The following CDCA5 variants were observed in gnomAD, a reference collection of about 807,000 sequenced individuals.
CDCA5 encodes the protein sororin.
CDCA5 carries 14 observed loss-of-function variants against 25.7 expected under a neutral mutation model. That is an observed-to-expected ratio of 0.54 (90% CI 0.36 to 0.85). The LOEUF (loss-of-function observed/expected upper bound fraction) is 0.85. Among genes scored for constraint, CDCA5 ranks in the 40% least tolerant of loss-of-function variants. CDCA5 has a pLI of 0.01. For missense variants in CDCA5, 307 were observed against 324.5 expected, an observed-to-expected ratio of 0.95 and a Z score of 0.41; for synonymous variants, 127 against 128.7, an observed-to-expected ratio of 0.99 and a Z score of 0.09.
chr11:65,083,797 A>G (rs531607799), intron 1 of CDCA5, 74 bp from the exon 2 acceptor site: 2 of 1,576,216 alleles, frequency 1.3e-6, no homozygotes, highest in South Asian at 2.2e-5. Flanking sequence ...TTCTAGAGAC[A>G]GCGAGAAGAT....
chr11:65,067,866 G>A, intron 3 of CDCA5: 1 of 831,480 alleles, frequency 1.2e-6, no homozygotes, highest in Non-Finnish European at 1.7e-6. Context: ...GCCTCTCTGG[G>A]CCTCCTCTCT....
chr11:65,082,170 C>G (rs1332771958), intron 4 of CDCA5, among the ~76,000 whole-genome samples: 1 of 152,138 alleles, frequency 6.6e-6, no homozygotes, highest in Admixed American at 6.5e-5. Flanking sequence ...TTCTCAAAAC[C>G]ATTCTCCCCA....
downstream of CDCA5, among the ~76,000 whole-genome samples, chr11:65,062,409 C>T (rs1947194569): frequency 6.6e-6 from 1 of 152,152 alleles, no homozygotes; most frequent in Non-Finnish European, 1.5e-5. Context: ...CTTCATGTCT[C>T]AGACCCGGTC....
downstream of CDCA5, among the ~76,000 whole-genome samples, chr11:65,063,311 C>T (rs1049217163): frequency 5.9e-5 from 9 of 152,198 alleles, no homozygotes; most frequent in Non-Finnish European, 8.8e-5. Flanking sequence ...TCTGGCCACC[C>T]TCTTGGGCAG....
intron 4 of CDCA5, among the ~76,000 whole-genome samples, chr11:65,080,143 G>T (rs1210818046): frequency 2.0e-5 from 3 of 152,128 alleles, no homozygotes; most frequent in African/African-American, 7.2e-5. Context: ...GCCCGCCTCG[G>T]CCTCCCAAAG....
At chr11:65,075,900 A>G (rs76948736), downstream of CDCA5, among the ~76,000 whole-genome samples, 4,254 of 152,256 alleles carry the variant, frequency 0.028, 84 homozygotes, top group Non-Finnish European at 0.041. Context: ...AAGCCAAGAA[A>G]AAGGAGCTGG....
downstream of CDCA5, among the ~76,000 whole-genome samples, chr11:65,062,900 C>T (rs953035125): frequency 1.3e-5 from 2 of 152,200 alleles, no homozygotes; most frequent in East Asian, 1.9e-4. Flanking sequence ...CCTCCCAGAG[C>T]GTAAGTTCTA....
At chr11:65,072,340 C>A (rs1001596063) in intron 1 of CDCA5, among the ~76,000 whole-genome samples, 1 of 152,186 alleles carries the variant, frequency 6.6e-6, no homozygotes, top group Non-Finnish European at 1.5e-5. Context: ...GAGCCAAAGC[C>A]TCATCTGAAA....
intron 1 of CDCA5, among the ~76,000 whole-genome samples, chr11:65,069,444 T>C (rs2137072851): frequency 6.6e-6 from 1 of 152,108 alleles, no homozygotes; most frequent in East Asian, 1.9e-4. Context: ...TGTACCTTTC[T>C]AGGCAGCCTA....
downstream of CDCA5, among the ~76,000 whole-genome samples, chr11:65,074,996 A>AGGTTGTG (rs1348130217): frequency 1.6e-5 from 2 of 127,466 alleles, no homozygotes; most frequent in Non-Finnish European, 3.1e-5. Context: ...CGGGAGGTGG[A>AGGTTGTG]GGTTGTGGTG....
chr11:65,066,515 G>T (rs570438854), intron 6 of CDCA5: 3 of 1,289,110 alleles, frequency 2.3e-6, no homozygotes, highest in Non-Finnish European at 3.0e-6. Flanking sequence ...TGGGGCAGCC[G>T]CCTCTTCCCT....
At chr11:65,066,697 G>T (rs1324953503) in intron 5 of CDCA5, 1 of 1,288,182 alleles carries the variant, frequency 7.8e-7, no homozygotes, top group South Asian at 1.2e-5. Context: ...AAGGGTTGCA[G>T]GGCTCGAGGT....
At chr11:65,066,503 C>G (rs915843183) in intron 6 of CDCA5, 2 of 1,289,200 alleles carry the variant, frequency 1.6e-6, no homozygotes, top group Non-Finnish European at 2.0e-6. Flanking sequence ...GAGTGAGCAG[C>G]ATGGGGCAGC....
downstream of CDCA5, among the ~76,000 whole-genome samples, chr11:65,075,062 CAAAA>C (rs56076033): frequency 1.7e-4 from 11 of 66,182 alleles, no homozygotes; most frequent in Admixed American, 3.6e-4. Flanking sequence ...AACTCCGTCT[CAAAA>C]AAAAAAAAAA....
downstream of CDCA5, among the ~76,000 whole-genome samples, chr11:65,075,881 T>G (rs1196484556): frequency 6.6e-6 from 1 of 151,994 alleles, no homozygotes; most frequent in African/African-American, 2.4e-5. Context: ...TATCCAGACA[T>G]TTCAGGAAAA....
chr11:65,083,771 G>A, intron 1 of CDCA5, 48 bp from the exon 2 acceptor site: 2 of 1,580,502 alleles, frequency 1.3e-6, no homozygotes, highest in Non-Finnish European at 1.7e-6. Context: ...CTAGACCTTA[G>A]AGTCCAGAGA....
chr11:65,068,452 C>G (rs778190053), intron 2 of CDCA5: 10 of 1,181,466 alleles, frequency 8.5e-6, no homozygotes, highest in African/African-American at 4.7e-5. Context: ...GCCTCCCCTG[C>G]CCACTGCCTT....
At chr11:65,071,892 C>T (rs2137084716) in intron 1 of CDCA5, among the ~76,000 whole-genome samples, 1 of 152,322 alleles carries the variant, frequency 6.6e-6, no homozygotes, top group East Asian at 1.9e-4. Flanking sequence ...CAGTCCTGCT[C>T]TGCTGCTCAT....
intron 4 of CDCA5, among the ~76,000 whole-genome samples, chr11:65,082,226 T>A (rs1444358376): frequency 6.6e-6 from 1 of 152,120 alleles, no homozygotes. Flanking sequence ...CTTGACTCGG[T>A]CACTACCTTA....
Sources: allele counts gnomAD v4.1 joint callset (sites outside exome capture counted in the v4.1 genomes callset), GRCh38; gene constraint gnomAD v4.1.1; transcripts MANE v1.5; gene names NCBI Gene and HGNC (gene_info 2026-07-23, HGNC 2026-07-21).